The following ZNF689 variants were observed in gnomAD, a reference collection of about 807,000 sequenced individuals.
The protein encoded by ZNF689 is short ORF-encoded histone-binding protein.
A neutral mutation model predicts 37.2 loss-of-function variants in ZNF689; 14 were observed. That is an observed-to-expected ratio of 0.38 (90% CI 0.25 to 0.59). The LOEUF is 0.59. Among genes scored for constraint, ZNF689 ranks in the 20% least tolerant of loss-of-function variants. The pLI is 0.68. For missense variants in ZNF689, 573 were observed against 700.2 expected, an observed-to-expected ratio of 0.82 and a Z score of 2.05; for synonymous variants, 277 against 283.3, an observed-to-expected ratio of 0.98 and a Z score of 0.22.
At chr16:30,607,180 C>T (rs766917114) in intron 2 of ZNF689, among the ~76,000 whole-genome samples, 1 of 125,170 alleles carries the variant, frequency 8.0e-6, no homozygotes, top group Non-Finnish European at 1.6e-5. Flanking sequence ...TCCTGGGAGG[C>T]GGAGGTTGCA....
At chr16:30,609,243 G>A (rs920131657) in intron 2 of ZNF689, among the ~76,000 whole-genome samples, 1 of 116,028 alleles carries the variant, frequency 8.6e-6, no homozygotes, top group Admixed American at 1.2e-4. Context: ...GTTCAAGACC[G>A]AACTGAGCAA....
rs1012292019 is a variant in ZNF689 at position 30,604,881 on chromosome 16, G to C, written c.886C>G (p.Arg296Gly). 2 of 1,578,856 alleles carry C rather than the reference G, an allele frequency of 1.3e-6. No individual in the cohort carries two copies. Among genetic ancestry groups the C allele is most frequent in the Non-Finnish European group, 1.7e-6 (2 of 1,162,420 alleles). ...EKPYTCLECN[R>G]RFRQRTALVI... ...AGGGCCGTGCGCTGGCGGAAGCGGCGGTTGCACTCGAGGCAAGTGTAGGGC... is the reference window on the plus strand; with the variant it reads ...AGGGCCGTGCGCTGGCGGAAGCGGCCGTTGCACTCGAGGCAAGTGTAGGGC... Residue 296 changes from arginine to glycine, a missense_variant, in exon 3 of 3, where the codon CGC becomes GGC. Around this residue, in one of 3 missense-constraint regions of ZNF689, gnomAD observed 317 missense variants for 367.1 expected, o/e 0.86. Transcript: ENST00000287461. The surrounding 1 kb of genome is among the most constrained non-coding windows in gnomAD (Gnocchi z 5.2).
At chr16:30,609,418 T>G (rs1027123706) in intron 2 of ZNF689, 107 bp downstream of exon 2, 2 of 893,334 alleles carry the variant, frequency 2.2e-6, no homozygotes, top group Non-Finnish European at 3.5e-6. Context: ...ATGAATATAC[T>G]AAATACGCGG....
At chr16:30,607,776 C>T (rs2052050274) in intron 2 of ZNF689, among the ~76,000 whole-genome samples, 1 of 152,174 alleles carries the variant, frequency 6.6e-6, no homozygotes, top group Non-Finnish European at 1.5e-5. Flanking sequence ...TCGAGACCAG[C>T]TTGACCAATA....
At position 30,604,628 on chromosome 16, in the gene ZNF689, C is replaced by G; in HGVS notation, c.1139G>C (p.Arg380Pro). 1 of 1,610,060 alleles carries G rather than the reference C, an allele frequency of 6.2e-7. No individual in the cohort carries two copies. The highest frequency in any genetic ancestry group is 1.1e-5 in the South Asian group (1 of 90,612). Residue 380 changes from arginine (R) to proline (P), a missense_variant, in exon 3 of 3, where the codon CGT becomes CCT. Arg to Pro is a moderately radical substitution (Grantham distance 103). Around this residue, in one of 3 missense-constraint regions of ZNF689, gnomAD observed 317 missense variants for 367.1 expected, o/e 0.86. Transcript: ENST00000287461. The surrounding 1 kb of genome is among the most constrained non-coding windows in gnomAD (Gnocchi z 5.2). ...CAGGGAGCCGCTCCGCCGGAAGGCA[C>G]GCCCACAGTCTGGGCAGGGGTAGGG... ...EKPYPCPDCG[R>P]AFRRSGSLAI...
intron 2 of ZNF689, chr16:30,609,309 G>T: frequency 7.6e-5 from 21 of 277,354 alleles, no homozygotes; most frequent in Admixed American, 9.6e-5. Flanking sequence ...TAAGCCCACT[G>T]ATTCATTCAC....
intron 2 of ZNF689, among the ~76,000 whole-genome samples, chr16:30,609,267 C>CA (rs77079521): frequency 0.37 from 22,719 of 60,884 alleles, 3,085 homozygotes; most frequent in South Asian, 0.64. Context: ...AATGTTTCTA[C>CA]AAAAAAAAAA....
rs748641675 is a variant in ZNF689 at position 30,605,396 on chromosome 16, TC to T, written c.370del (p.Glu124ArgfsTer17). 4.3e-6 allele frequency: 7 copies of T among 1,613,910 alleles called. No individual in the cohort carries two copies. On this transcript the variant is annotated frameshift_variant, in exon 3 of 3. Transcript: ENST00000287461. LOFTEE classifies it high-confidence loss of function. This position sits in a 1 kb window ranked among gnomAD's most constrained non-coding sequence, Gnocchi z 5.1. ...GCCTCGCTTCCCCTTTCGGGGTGCCTCCTTAGGCGGGAATACTTCCTTCTCC... is the reference window on the plus strand; with the variant it reads ...GCCTCGCTTCCCCTTTCGGGGTGCCTCTTAGGCGGGAATACTTCCTTCTCC... The part of the protein sequence containing the change: ...NGEKEVFPPK[E>X]APRKGKRGRR...
At position 30,605,714 on chromosome 16, in the gene ZNF689, C is replaced by T. The variant is rs1321227194; in HGVS notation, c.320-267G>A. Among the ~76,000 whole-genome samples the T allele has an allele frequency of 6.6e-6, 1 of 152,160 alleles. No individual in the cohort carries two copies. Among genetic ancestry groups the T allele is most frequent in the East Asian group, 1.9e-4 (1 of 5,194 alleles). Reference sequence around the variant, plus strand: ...AGTGGATCACGCTTGTAATCGTAAGCACTGGGAGGCCGAGGCGGGCAGATC... The same window carrying T: ...AGTGGATCACGCTTGTAATCGTAAGTACTGGGAGGCCGAGGCGGGCAGATC... On this transcript the variant is annotated intron_variant, in intron 2 of 2. Transcript: ENST00000287461. The surrounding 1 kb of genome is among the most constrained non-coding windows in gnomAD (Gnocchi z 5.1).
upstream of ZNF689, chr16:30,610,389 C>CGCT: frequency 3.8e-6 from 1 of 259,848 alleles, no homozygotes; most frequent in Admixed American, 4.9e-5. Flanking sequence ...AGTGTAATGG[C>CGCT]GCTGCGATTG....
In ZNF689 at chr16:30,605,627, T is replaced by G; in HGVS notation, c.320-180A>C. ...GCATTACAGGAGCTTCTAACCCAGC[T>G]TGGAGAAGTCTAGGAAGATTTCTCG... On this transcript the variant is annotated intron_variant, in intron 2 of 2. Coordinates refer to ENST00000287461, the MANE Select transcript of ZNF689 (RefSeq NM_138447.3). This position sits in a 1 kb window ranked among gnomAD's most constrained non-coding sequence, Gnocchi z 5.1. 6.6e-6 allele frequency among the ~76,000 whole-genome samples: 1 copy of G among 152,158 alleles called. No individual in the cohort carries two copies. The highest frequency in any genetic ancestry group is 1.9e-4 in the East Asian group (1 of 5,200).
intron 1 of ZNF689, 81 bp downstream of exon 1, chr16:30,609,756 G>GGAC (rs2052076307): frequency 6.4e-7 from 1 of 1,571,350 alleles, no homozygotes; most frequent in African/African-American, 1.3e-5. Context: ...TCGCCTGCCA[G>GGAC]GACCGTGGCC....
chr16:30,608,962 A>G (rs1319850561), intron 2 of ZNF689, among the ~76,000 whole-genome samples: 1 of 152,178 alleles, frequency 6.6e-6, no homozygotes, highest in African/African-American at 2.4e-5. Context: ...TCCTTCGCTG[A>G]TAAGGGTCAT....
At chr16:30,609,399 G>T in intron 2 of ZNF689, 126 bp downstream of exon 2, 1 of 734,268 alleles carries the variant, frequency 1.4e-6, no homozygotes, top group Non-Finnish European at 2.3e-6. Flanking sequence ...GACACAAGAG[G>T]CTGGGAAGAT....
rs1415052863 is a variant in ZNF689, at chr16:30,610,319, T to G, written c.-278A>C. Reference sequence around the variant, plus strand: ...GCCTTTGCCTGGAACACAGGCAGCTTCCAGCTATCGATTTTATTGACCGGA... The same window carrying G: ...GCCTTTGCCTGGAACACAGGCAGCTGCCAGCTATCGATTTTATTGACCGGA... On this transcript the variant is annotated 5_prime_UTR_variant, in exon 1 of 3. Transcript: ENST00000287461. 4.3e-6 allele frequency: 2 copies of G among 462,660 alleles called. No individual in the cohort carries two copies. Among genetic ancestry groups the G allele is most frequent in the Admixed American group, 7.3e-5 (2 of 27,270 alleles). 28.7% of individuals were successfully genotyped at this position (462,660 alleles called of 1,614,324 possible). A position where few individuals can be genotyped will look rare whatever the true frequency, so the allele number is the denominator to read the frequency against.
Position 30,610,121 on chromosome 16 carries a change from G to T in ZNF689, c.-80C>A. 1 of 1,471,652 alleles carries T rather than the reference G, an allele frequency of 6.8e-7. No individual in the cohort carries two copies. Among genetic ancestry groups the T allele is most frequent in the African/African-American group, 1.4e-5 (1 of 71,044 alleles). The allele number at this position is 1,471,652 out of a possible 1,614,324, so 91.2% of individuals were successfully genotyped here. On this transcript the variant is annotated 5_prime_UTR_variant, in exon 1 of 3. Transcript: ENST00000287461. ...CGCTGGCGGCCCCTGGGATCGAGGA[G>T]CCCCTGCCGGACCAGGGCTGAGCGT...
In ZNF689 at chr16:30,604,276, G is replaced by GC. The variant is rs756096370; in HGVS notation, c.1490dup (p.Asn498GlnfsTer36). On this transcript the variant is annotated frameshift_variant, in exon 3 of 3. Transcript: ENST00000287461. LOFTEE classifies it high-confidence loss of function. This position sits in a 1 kb window ranked among gnomAD's most constrained non-coding sequence, Gnocchi z 5.2. ...AGTCCTTCCCCTTCTAATGGGCGTTGCCCCTCTGACTGGAGCCCCCGATAG... is the reference window on the plus strand; with the variant it reads ...AGTCCTTCCCCTTCTAATGGGCGTTGCCCCCTCTGACTGGAGCCCCCGATAG... The GC allele has an allele frequency of 6.2e-6, 10 of 1,614,016 alleles. No individual in the cohort carries two copies. The highest frequency in any genetic ancestry group is 8.5e-6 in the Non-Finnish European group (10 of 1,180,036).
chr16:30,605,588 T>C lies in ZNF689; in HGVS notation c.320-141A>G, dbSNP rs1394300439. The C allele has an allele frequency of 1.2e-6, 1 of 845,644 alleles. No individual in the cohort carries two copies. The highest frequency in any genetic ancestry group is 1.8e-6 in the Non-Finnish European group (1 of 554,018). The allele number at this position is 845,644 out of a possible 1,614,324, so 52.4% of individuals were successfully genotyped here. A position where few individuals can be genotyped will look rare whatever the true frequency, so the allele number is the denominator to read the frequency against. ...GACAGCTAAGTGTGACATACTGTCA[T>C]GCAAATACGGTGTGCATTACAGGAG... On this transcript the variant is annotated intron_variant, in intron 2 of 2. Transcript: ENST00000287461. The surrounding 1 kb of genome is among the most constrained non-coding windows in gnomAD (Gnocchi z 5.1).
Position 30,609,650 on chromosome 16 carries a change from G to T in ZNF689, c.206-12C>A. The T allele has an allele frequency of 6.2e-7, 1 of 1,613,858 alleles. No homozygotes were observed. The highest frequency in any genetic ancestry group is 8.5e-7 in the Non-Finnish European group (1 of 1,179,908). Reference sequence around the variant, plus strand: ...GGGACCTGCGCACCCTGGGGAAAGAGAACAAATCAGAAGGCCAGCTCCTAG... The same window carrying T: ...GGGACCTGCGCACCCTGGGGAAAGATAACAAATCAGAAGGCCAGCTCCTAG... On this transcript the variant is annotated splice_polypyrimidine_tract_variant and intron_variant, in intron 1 of 2. Coordinates refer to ENST00000287461, the MANE Select transcript of ZNF689 (RefSeq NM_138447.3).
Sources: gnomAD v4.1 joint callset for allele counts (sites outside exome capture counted in the v4.1 genomes callset) on GRCh38, gnomAD v4.1.1 for gene constraint, gnomAD v4.1.1 regional missense constraint, Gnocchi (gnomAD v3.1) non-coding constraint, MANE v1.5 for transcripts, NCBI Gene and HGNC (gene_info 2026-07-23, HGNC 2026-07-21) for gene names.